The following NUBPL variants were observed in gnomAD, a reference collection of about 807,000 sequenced individuals.
The protein encoded by NUBPL is iron-sulfur cluster transfer protein NUBPL.
NUBPL carries 31 observed loss-of-function variants against 45.7 expected under a neutral mutation model. That is an observed-to-expected ratio of 0.68 (90% CI 0.51 to 0.92). The LOEUF (loss-of-function observed/expected upper bound fraction) is 0.92, where lower values mean the gene tolerates loss of function less well. Among genes scored for constraint, NUBPL ranks in the 40% least tolerant of loss-of-function variants. The pLI is 0.00. For synonymous variants in NUBPL, 144 were observed against 140.9 expected, an observed-to-expected ratio of 1.02 and a Z score of -0.15; for missense variants, 401 against 398.7, an observed-to-expected ratio of 1.01 and a Z score of -0.05.
intron 6 of NUBPL, among the ~76,000 whole-genome samples, chr14:31,707,434 T>C (rs1019861755): frequency 2.2e-4 from 34 of 152,212 alleles, no homozygotes; most frequent in Admixed American, 2.6e-4. Flanking sequence ...TCTCTCTCTT[T>C]CTCTCTTTCT....
chr14:31,561,430 GT>G lies in NUBPL; in HGVS notation c.-8del, dbSNP rs1275290116. 2 of 1,393,810 alleles carry G rather than the reference GT, an allele frequency of 1.4e-6. No individual in the cohort carries two copies. Among genetic ancestry groups the G allele is most frequent in the African/African-American group, 1.5e-5 (1 of 67,500 alleles). 86.3% of individuals were successfully genotyped at this position (1,393,810 alleles called of 1,614,324 possible). ...GTTTCCCAGCAGGGCTCACAGCAGC[GT>G]TCCGCGTCATGGGGATTTGGCAGCG... On this transcript the variant is annotated 5_prime_UTR_variant, in exon 1 of 11. Transcript: ENST00000281081.
chr14:31,615,067 G>A (rs1022424224), intron 4 of NUBPL, among the ~76,000 whole-genome samples: 3 of 152,134 alleles, frequency 2.0e-5, no homozygotes, highest in Non-Finnish European at 1.5e-5. Flanking sequence ...ATGTGTTGAG[G>A]AATGGACCTG....
intron 7 of NUBPL, among the ~76,000 whole-genome samples, chr14:31,804,585 G>A (rs56399437): frequency 0.011 from 1,646 of 152,132 alleles, 31 homozygotes; most frequent in African/African-American, 0.038. Flanking sequence ...GCAAAAACAG[G>A]CACATAGACC....
intron 6 of NUBPL, among the ~76,000 whole-genome samples, chr14:31,680,340 T>C (rs947777701): frequency 6.6e-6 from 1 of 152,174 alleles, no homozygotes; most frequent in African/African-American, 2.4e-5. Context: ...AGTATTTTGT[T>C]GCTATGAAAG....
intron 3 of NUBPL, among the ~76,000 whole-genome samples, chr14:31,597,966 G>T (rs2034326830): frequency 1.3e-5 from 2 of 151,884 alleles, no homozygotes; most frequent in Non-Finnish European, 2.9e-5. Context: ...TAGTTAAATT[G>T]GTCAAATTTC....
intron 10 of NUBPL, among the ~76,000 whole-genome samples, chr14:31,852,602 C>T (rs950957016): frequency 3.9e-5 from 6 of 152,140 alleles, no homozygotes; most frequent in South Asian, 4.2e-4. Context: ...TCCTGGGAGG[C>T]GGAGGTTGCA....
chr14:31,573,972 G>A (rs2033654073), intron 3 of NUBPL, among the ~76,000 whole-genome samples: 1 of 152,134 alleles, frequency 6.6e-6, no homozygotes, highest in Admixed American at 6.5e-5. Context: ...TGTGGAGCAT[G>A]TTAAGTGAAG....
chr14:31,790,958 A>G (rs1277834310), intron 7 of NUBPL, among the ~76,000 whole-genome samples: 1 of 152,110 alleles, frequency 6.6e-6, no homozygotes, highest in Non-Finnish European at 1.5e-5. Context: ...AGACCAAGCA[A>G]GAAAATATAT....
chr14:31,771,027 A>ATCTTT (rs1361622167), intron 6 of NUBPL, among the ~76,000 whole-genome samples: 1 of 152,202 alleles, frequency 6.6e-6, no homozygotes, highest in Non-Finnish European at 1.5e-5. Flanking sequence ...AAAGTATTAT[A>ATCTTT]TCTTTTCTTA....
At chr14:31,842,650 T>C (rs2040395038) in intron 8 of NUBPL, among the ~76,000 whole-genome samples, 2 of 152,044 alleles carry the variant, frequency 1.3e-5, no homozygotes, top group African/African-American at 2.4e-5. Context: ...ACTAATTTTT[T>C]TGTGTGTCGT....
chr14:31,599,412 A>T (rs772046824), intron 4 of NUBPL, 33 bp downstream of exon 4: 2 of 1,454,652 alleles, frequency 1.4e-6, no homozygotes, highest in South Asian at 2.3e-5. Context: ...TTATAATAAT[A>T]GTTGCACTTT....
intron 6 of NUBPL, among the ~76,000 whole-genome samples, chr14:31,693,449 A>G (rs993269152): frequency 5.1e-4 from 78 of 152,234 alleles, no homozygotes; most frequent in African/African-American, 1.8e-3. Context: ...ACCTCATCCA[A>G]ATTTATGGTA....
chr14:31,562,046 T>G (rs1473092806), intron 1 of NUBPL, 22 bp from the exon 2 acceptor site: 1 of 1,551,238 alleles, frequency 6.4e-7, no homozygotes, highest in African/African-American at 1.4e-5. Context: ...AAACGGCTTT[T>G]TATTATTATT....
At chr14:31,705,712 A>G (rs1243514710) in intron 6 of NUBPL, among the ~76,000 whole-genome samples, 4 of 152,046 alleles carry the variant, frequency 2.6e-5, no homozygotes, top group African/African-American at 9.7e-5. Flanking sequence ...TGCATTTACA[A>G]ACCTTTAGCT....
At chr14:31,662,484 C>T (rs1196178668) in intron 4 of NUBPL, among the ~76,000 whole-genome samples, 3 of 152,022 alleles carry the variant, frequency 2.0e-5, no homozygotes, top group South Asian at 2.1e-4. Context: ...CCCCACCCAC[C>T]GACAGGCCCT....
intron 6 of NUBPL, among the ~76,000 whole-genome samples, chr14:31,754,892 C>A (rs2038621556): frequency 7.7e-6 from 1 of 129,122 alleles, no homozygotes; most frequent in Admixed American, 9.1e-5. Flanking sequence ...TGTTCCCCTT[C>A]CTGTGTCCAT....
intron 10 of NUBPL, among the ~76,000 whole-genome samples, chr14:31,855,091 C>CTAATT (rs10701157): frequency 0.57 from 85,582 of 151,442 alleles, 25,962 homozygotes; most frequent in African/African-American, 0.81. Context: ...GTTTATGTCT[C>CTAATT]TAATGTAGAT....
At chr14:31,596,059 A>T (rs886961711) in intron 3 of NUBPL, among the ~76,000 whole-genome samples, 5 of 151,992 alleles carry the variant, frequency 3.3e-5, no homozygotes, top group African/African-American at 4.8e-5. Context: ...GGTGCCCGCC[A>T]GCACGCCTAG....
chr14:31,806,494 G>C (rs980669474), intron 7 of NUBPL, among the ~76,000 whole-genome samples: 13 of 152,134 alleles, frequency 8.5e-5, no homozygotes, highest in Non-Finnish European at 1.8e-4. Context: ...CAGTTGTAGA[G>C]CCATATGTGT....
Sources: gnomAD v4.1 joint callset for allele counts (sites outside exome capture counted in the v4.1 genomes callset) on GRCh38, gnomAD v4.1.1 for gene constraint, MANE v1.5 for transcripts, NCBI Gene and HGNC (gene_info 2026-07-23, HGNC 2026-07-21) for gene names.